The following CTCF variants were observed in gnomAD, a reference collection of about 807,000 sequenced individuals.
The protein encoded by CTCF is transcriptional repressor CTCF.
CTCF carries 7 observed loss-of-function variants against 72.3 expected under a neutral mutation model. That is an observed-to-expected ratio of 0.10 (90% CI 0.06 to 0.18). CTCF has a LOEUF of 0.18. CTCF is among the 10% of genes least tolerant of loss of function. The pLI, the probability that CTCF is intolerant of heterozygous loss-of-function variation, is 1.00. For synonymous variants in CTCF, 374 were observed against 315.8 expected (o/e 1.18, Z -1.95); for missense variants, 516 against 949.1 (o/e 0.54, Z 6.00).
intron 6 of CTCF, 136 bp from the exon 7 acceptor site, chr16:67,621,306 C>A: frequency 3.2e-6 from 2 of 634,544 alleles, no homozygotes; most frequent in Non-Finnish European, 5.4e-6. Context: ...GATCCGGGAA[C>A]TGGGACTGAG....
intron 10 of CTCF, among the ~76,000 whole-genome samples, chr16:67,629,813 C>T (rs1390742883): frequency 9.1e-5 from 10 of 110,454 alleles, no homozygotes; most frequent in Non-Finnish European, 1.2e-4. Flanking sequence ...CTCGCTCTGT[C>T]GCCCAGGCTG....
intron 2 of CTCF, among the ~76,000 whole-genome samples, chr16:67,586,289 C>G (rs2051667618): frequency 6.6e-6 from 1 of 152,070 alleles, no homozygotes; most frequent in African/African-American, 2.4e-5. Flanking sequence ...GTAATCCCAG[C>G]ACTTTGGAAG....
chr16:67,615,210 C>G (rs1004644111), intron 4 of CTCF: 1 of 152,318 alleles, frequency 6.6e-6, no homozygotes, highest in Non-Finnish European at 1.5e-5. Flanking sequence ...TAATGGAACT[C>G]CCTGCCCCAC....
At chr16:67,635,472 GTTTT>G (rs1205079813) in intron 10 of CTCF, 1 of 151,514 alleles carries the variant, frequency 6.6e-6, no homozygotes, top group African/African-American at 2.4e-5. Flanking sequence ...AGTCAATTTC[GTTTT>G]TGTTTTTTGT....
At chr16:67,598,710 C>G (rs956202019) in intron 2 of CTCF, among the ~76,000 whole-genome samples, 3 of 152,248 alleles carry the variant, frequency 2.0e-5, no homozygotes, top group Non-Finnish European at 4.4e-5. Flanking sequence ...CAAAGTGAAA[C>G]TCGATAAAAG....
At chr16:67,575,940 A>C (rs1231291330) in intron 2 of CTCF, among the ~76,000 whole-genome samples, 1 of 151,194 alleles carries the variant, frequency 6.6e-6, no homozygotes, top group Non-Finnish European at 1.5e-5. Flanking sequence ...ACCCTAACCC[A>C]TTTAAAAAGA....
At chr16:67,622,811 A>ATT (rs951749794) in intron 7 of CTCF, among the ~76,000 whole-genome samples, 80 of 123,906 alleles carry the variant, frequency 6.5e-4, no homozygotes, top group African/African-American at 1.0e-3. Flanking sequence ...GCCCGGCTAA[A>ATT]TTTTTTTTTT....
At chr16:67,621,748 CTTTT>C (rs34853932) in intron 7 of CTCF, among the ~76,000 whole-genome samples, 157 bp downstream of exon 7, 2 of 121,394 alleles carry the variant, frequency 1.6e-5, no homozygotes, top group Non-Finnish European at 3.4e-5. Context: ...TGCTTAGCTG[CTTTT>C]TTTTTTTTTT....
At position 67,622,329 on chromosome 16, in the gene CTCF, C is replaced by G. The variant is rs897359165; in HGVS notation, c.1357+738C>G. Among the ~76,000 whole-genome samples, 7 of 151,008 alleles carry G rather than the reference C, an allele frequency of 4.6e-5. 1 individual carries two copies. Among genetic ancestry groups the G allele is most frequent in the African/African-American group, 1.7e-4 (7 of 41,032 alleles). ...AGAGATCACGCCACCGCACTCCAGC[C>G]TGGGTGACAGAGCGCGACTCTGTCT... On this transcript the variant is annotated intron_variant, in intron 7 of 11. Transcript: ENST00000264010.
rs1031553245 is a variant in CTCF, at chr16:67,571,178, G to C, written c.-96G>C. ...TTACGGACCTGAAGCCAAAGAACAAGATGCGCTAGTGGACAGATTGCTGAC... is the reference window on the plus strand; with the variant it reads ...TTACGGACCTGAAGCCAAAGAACAACATGCGCTAGTGGACAGATTGCTGAC... On this transcript the variant is annotated 5_prime_UTR_variant, in exon 2 of 12. Coordinates refer to ENST00000264010, the MANE Select transcript of CTCF (RefSeq NM_006565.4). 2.0e-5 allele frequency: 3 copies of C among 152,596 alleles called. No individual in the cohort carries two copies. Among genetic ancestry groups the C allele is most frequent in the Non-Finnish European group, 2.9e-5 (2 of 68,046 alleles). 9.5% of individuals were successfully genotyped at this position (152,596 alleles called of 1,614,324 possible).
intron 8 of CTCF, chr16:67,627,976 T>A: frequency 7.2e-6 from 1 of 139,784 alleles, no homozygotes; most frequent in Non-Finnish European, 1.5e-5. Context: ...GCACCTGTAA[T>A]CGCAGCTACT....
At chr16:67,602,644 C>G (rs1330812834) in intron 2 of CTCF, among the ~76,000 whole-genome samples, 1 of 151,860 alleles carries the variant, frequency 6.6e-6, no homozygotes, top group Non-Finnish European at 1.5e-5. Flanking sequence ...GAGTTCAAGA[C>G]CAGCCTGACC....
rs2051423577 is a variant in CTCF at position 67,571,757 on chromosome 16, A to G, written c.-10+493A>G. On this transcript the variant is annotated intron_variant, in intron 2 of 11. Coordinates refer to ENST00000264010, the MANE Select transcript of CTCF (RefSeq NM_006565.4). Reference sequence around the variant, plus strand: ...GGGGAACCTGGTATCCTGGATAAAAATTGTCTTAATTTGAGTTAGCCTAGC... The same window carrying G: ...GGGGAACCTGGTATCCTGGATAAAAGTTGTCTTAATTTGAGTTAGCCTAGC... Among the ~76,000 whole-genome samples the G allele has an allele frequency of 3.3e-5, 5 of 152,296 alleles. No individual in the cohort carries two copies. The South Asian group carries it at 1.0e-3, about 32-fold the overall frequency.
chr16:67,607,891 C>T (rs1285103438), intron 2 of CTCF, among the ~76,000 whole-genome samples: 1 of 151,302 alleles, frequency 6.6e-6, no homozygotes, highest in East Asian at 2.0e-4. Context: ...TGGTGGTGGG[C>T]ACCTGTAATC....
At chr16:67,624,602 G>GT (rs1205242759) in intron 7 of CTCF, among the ~76,000 whole-genome samples, 1 of 151,340 alleles carries the variant, frequency 6.6e-6, no homozygotes, top group Non-Finnish European at 1.5e-5. Context: ...TTTTGTTTTT[G>GT]TTTTTTACTG....
intron 8 of CTCF, chr16:67,627,822 C>T (rs959748489): frequency 6.6e-6 from 1 of 152,330 alleles, no homozygotes; most frequent in East Asian, 1.9e-4. Flanking sequence ...GCCTGTAGTC[C>T]CAGCTACTCC....
chr16:67,595,391 G>A (rs1007468704), intron 2 of CTCF, among the ~76,000 whole-genome samples: 1 of 152,106 alleles, frequency 6.6e-6, no homozygotes, highest in African/African-American at 2.4e-5. Flanking sequence ...TCTGTCAACT[G>A]ATTGTACCTT....
At chr16:67,579,163 G>C (rs1470001830) in intron 2 of CTCF, among the ~76,000 whole-genome samples, 2 of 151,454 alleles carry the variant, frequency 1.3e-5, no homozygotes, top group Non-Finnish European at 2.9e-5. Flanking sequence ...GCTGAGGCAG[G>C]AGAATCGCTT....
intron 1 of CTCF, among the ~76,000 whole-genome samples, chr16:67,565,318 A>G (rs2051328621): frequency 6.6e-6 from 1 of 151,828 alleles, no homozygotes; most frequent in Admixed American, 6.6e-5. Flanking sequence ...TGTTATTTAA[A>G]TTAGTGATAG....
Sources: gnomAD v4.1 joint callset for allele counts (sites outside exome capture counted in the v4.1 genomes callset) on GRCh38, gnomAD v4.1.1 for gene constraint, MANE v1.5 for transcripts, NCBI Gene and HGNC (gene_info 2026-07-23, HGNC 2026-07-21) for gene names.